The following ZNF804B variants were observed in gnomAD, a reference collection of about 807,000 sequenced individuals.
ZNF804B encodes the protein zinc finger protein 804B.
A neutral mutation model predicts 101.4 loss-of-function variants in ZNF804B; 80 were observed. That is an observed-to-expected ratio of 0.79 (90% CI 0.66 to 0.95). The LOEUF (loss-of-function observed/expected upper bound fraction) is 0.95. Among genes scored for constraint, ZNF804B ranks in the 40% least tolerant of loss-of-function variants. The probability of loss-of-function intolerance (pLI) is 0.00; values close to 1 mark genes in which losing one functional copy is unlikely to be tolerated. For missense variants in ZNF804B, 1,673 were observed against 1,561.9 expected (o/e 1.07, Z -1.20); for synonymous variants, 622 against 558.8 (o/e 1.11, Z -1.59).
At chr7:88,913,923 G>T (rs1172524112) in intron 1 of ZNF804B, among the ~76,000 whole-genome samples, 1 of 152,176 alleles carries the variant, frequency 6.6e-6, no homozygotes, top group African/African-American at 2.4e-5. Context: ...TGCTAAAGTG[G>T]CAGGCTGTAA....
At chr7:89,285,506 G>A (rs1433091619) in intron 2 of ZNF804B, among the ~76,000 whole-genome samples, 2 of 95,010 alleles carry the variant, frequency 2.1e-5, no homozygotes, top group Non-Finnish European at 3.9e-5. Flanking sequence ...CTGGGCGAGA[G>A]AGCGAGACTC....
chr7:89,148,570 A>G (rs1790823994), intron 1 of ZNF804B, among the ~76,000 whole-genome samples: 1 of 152,092 alleles, frequency 6.6e-6, no homozygotes, highest in Non-Finnish European at 1.5e-5. Context: ...TATGTATTTA[A>G]AAATATTAAT....
At chr7:89,108,137 A>G (rs978503465) in intron 1 of ZNF804B, among the ~76,000 whole-genome samples, 3 of 152,186 alleles carry the variant, frequency 2.0e-5, no homozygotes, top group African/African-American at 7.2e-5. Context: ...ATGTAGGCAA[A>G]AACAACTTAA....
At chr7:89,110,936 C>T (rs1790206246) in intron 1 of ZNF804B, among the ~76,000 whole-genome samples, 1 of 151,958 alleles carries the variant, frequency 6.6e-6, no homozygotes. Flanking sequence ...TTTACTGTTT[C>T]TATAGTTTTT....
intron 1 of ZNF804B, among the ~76,000 whole-genome samples, chr7:88,924,512 G>A (rs1462991821): frequency 2.0e-5 from 3 of 151,986 alleles, no homozygotes; most frequent in Non-Finnish European, 4.4e-5. Context: ...TAGGGGACTA[G>A]CTACCTCTCC....
At chr7:89,040,628 C>T (rs1789002576) in intron 1 of ZNF804B, among the ~76,000 whole-genome samples, 1 of 152,080 alleles carries the variant, frequency 6.6e-6, no homozygotes, top group African/African-American at 2.4e-5. Context: ...TCTTTAGGGC[C>T]AGTTAATGGT....
At chr7:88,820,807 G>C (rs571654621) in intron 1 of ZNF804B, among the ~76,000 whole-genome samples, 5 of 152,140 alleles carry the variant, frequency 3.3e-5, no homozygotes, top group Admixed American at 1.3e-4. Flanking sequence ...TGGCAGTGAC[G>C]GTGACAATGT....
Position 89,336,763 on chromosome 7 carries a change from A to G in ZNF804B, c.3781A>G (p.Thr1261Ala). ...TCCAACCATTATCCCTGCACACCCC[A>G]CTTTCTTAGCAGGTCATCCCCTGCA... ...LTPTIIPAHP[T>A]FLAGHPLHLV... Residue 1261 changes from threonine (T) to alanine (A), a missense_variant, in exon 4 of 4, where the codon ACT becomes GCT. Thr to Ala is a moderately conservative substitution (Grantham distance 58). Transcript: ENST00000333190. 4 of 1,613,810 alleles carry G rather than the reference A, an allele frequency of 2.5e-6. No individual in the cohort carries two copies. Among genetic ancestry groups the G allele is most frequent in the Non-Finnish European group, 3.4e-6 (4 of 1,179,940 alleles).
intron 1 of ZNF804B, among the ~76,000 whole-genome samples, chr7:88,981,437 C>T (rs1342236498): frequency 2.0e-5 from 3 of 152,008 alleles, no homozygotes; most frequent in South Asian, 2.1e-4. Context: ...AATCTCTCTC[C>T]GAGCTGTGAG....
chr7:89,336,637 G>C lies in ZNF804B; in HGVS notation c.3655G>C (p.Val1219Leu). Residue 1219 changes from valine (V) to leucine (L), a missense_variant, in exon 4 of 4, where the codon GTT becomes CTT. Physicochemically the swap from Val to Leu is conservative, Grantham distance 32 (BLOSUM62 1). Transcript: ENST00000333190. Reference sequence around the variant, plus strand: ...CCACACGTTCCTGCAGCATTTTGCTGTTTCTGCTTCCTTAAGTTCTCATAG... The same window carrying C: ...CCACACGTTCCTGCAGCATTTTGCTCTTTCTGCTTCCTTAAGTTCTCATAG... ...IHHTFLQHFA[V>L]SASLSSHSSH... The C allele has an allele frequency of 6.2e-7, 1 of 1,614,026 alleles. No homozygotes were observed. The highest frequency in any genetic ancestry group is 8.5e-7 in the Non-Finnish European group (1 of 1,179,990).
chr7:88,935,058 CACAT>C (rs1792947013), intron 1 of ZNF804B, among the ~76,000 whole-genome samples: 1 of 150,916 alleles, frequency 6.6e-6, no homozygotes, highest in African/African-American at 2.4e-5. Context: ...TATACACACA[CACAT>C]ACACACATAC....
chr7:89,160,299 T>C (rs1416730502), intron 1 of ZNF804B, among the ~76,000 whole-genome samples: 1 of 152,150 alleles, frequency 6.6e-6, no homozygotes. Context: ...TCCTGTCACA[T>C]TCCATCATGT....
intron 1 of ZNF804B, among the ~76,000 whole-genome samples, chr7:89,131,249 A>G (rs1193696077): frequency 1.3e-5 from 2 of 152,082 alleles, no homozygotes; most frequent in African/African-American, 4.8e-5. Context: ...TAATCAAAAT[A>G]TCTTCAACAC....
At chr7:89,209,003 C>A (rs1299291391) in intron 1 of ZNF804B, among the ~76,000 whole-genome samples, 1 of 151,998 alleles carries the variant, frequency 6.6e-6, no homozygotes, top group Non-Finnish European at 1.5e-5. Context: ...CAGAGTGAGA[C>A]TCTTTCTCAA....
intron 1 of ZNF804B, among the ~76,000 whole-genome samples, chr7:89,040,687 A>G (rs567172604): frequency 1.1e-3 from 174 of 152,166 alleles, no homozygotes; most frequent in African/African-American, 4.0e-3. Context: ...ATTATTTGTA[A>G]TCCTGTGGAC....
intron 1 of ZNF804B, among the ~76,000 whole-genome samples, chr7:89,026,849 G>A (rs1208282951): frequency 1.3e-5 from 2 of 152,110 alleles, no homozygotes; most frequent in African/African-American, 2.4e-5. Flanking sequence ...GGAGCTTTTG[G>A]TGAAGAGATG....
intron 2 of ZNF804B, among the ~76,000 whole-genome samples, chr7:89,309,535 G>A (rs1410900197): frequency 1.3e-5 from 2 of 151,876 alleles, no homozygotes; most frequent in Non-Finnish European, 2.9e-5. Flanking sequence ...GCCAAAGCAG[G>A]CAGATCACAA....
Position 89,105,569 on chromosome 7 carries a change from AG to A in ZNF804B, c.109-112582del, listed in dbSNP as rs543518943. On this transcript the variant is annotated intron_variant, in intron 1 of 3. Coordinates refer to ENST00000333190, the MANE Select transcript of ZNF804B (RefSeq NM_181646.5). Reference sequence around the variant, plus strand: ...CCAACTTCACTGACACCAACTGGGTAGGGGAAAACTATCTCAACCCATGTTT... The same window carrying A: ...CCAACTTCACTGACACCAACTGGGTAGGGAAAACTATCTCAACCCATGTTT... Among the ~76,000 whole-genome samples, 35 of 152,112 alleles carry A rather than the reference AG, an allele frequency of 2.3e-4. No individual in the cohort carries two copies. The South Asian group carries it at 6.8e-3, about 30-fold the overall frequency.
intron 1 of ZNF804B, among the ~76,000 whole-genome samples, chr7:88,765,142 G>A (rs60528919): frequency 0.033 from 5,005 of 151,990 alleles, 243 homozygotes; most frequent in African/African-American, 0.11. Context: ...GTATTTGAGC[G>A]CTATAATTTT....
Sources: gnomAD v4.1 joint callset for allele counts (sites outside exome capture counted in the v4.1 genomes callset) on GRCh38, gnomAD v4.1.1 for gene constraint, MANE v1.5 for transcripts, NCBI Gene and HGNC (gene_info 2026-07-23, HGNC 2026-07-21) for gene names.